The following SDK2 variants were observed in gnomAD, a reference collection of about 807,000 sequenced individuals.
SDK2 encodes sidekick cell adhesion molecule 2.
SDK2 carries 105 observed loss-of-function variants against 253.9 expected under a neutral mutation model. The ratio of observed to expected loss-of-function variants is 0.41; its 90% confidence interval spans 0.35 to 0.49. The LOEUF is 0.49. Among genes scored for constraint, SDK2 ranks in the 20% least tolerant of loss-of-function variants. The pLI is 0.06. For synonymous variants in SDK2, 1,249 were observed against 1,234.9 expected, an observed-to-expected ratio of 1.01 and a Z score of -0.24; for missense variants, 2,608 against 3,003.0, an observed-to-expected ratio of 0.87 and a Z score of 3.07.
chr17:73,578,111 G>C (rs1300923266), intron 1 of SDK2, among the ~76,000 whole-genome samples: 1 of 150,630 alleles, frequency 6.6e-6, no homozygotes, highest in African/African-American at 2.5e-5. Flanking sequence ...CCAGGCTGGA[G>C]TGCAATGGTG....
In SDK2 at chr17:73,467,547, G is replaced by T. The variant is rs2063610939; in HGVS notation, c.331+4565C>A. Reference sequence around the variant, plus strand: ...GTTTCCCTAGGCCCAGAATCCCAGGGAAGTGGGGCTGGGACAGAGGATTCT... The same window carrying T: ...GTTTCCCTAGGCCCAGAATCCCAGGTAAGTGGGGCTGGGACAGAGGATTCT... On this transcript the variant is annotated intron_variant, in intron 3 of 44. Transcript: ENST00000392650. The surrounding 1 kb of genome is among the most constrained non-coding windows in gnomAD (Gnocchi z 4.1). 1.3e-5 allele frequency among the ~76,000 whole-genome samples: 2 copies of T among 152,134 alleles called. No homozygotes were observed. The highest frequency in any genetic ancestry group is 1.5e-5 in the Non-Finnish European group (1 of 68,034).
At chr17:73,402,620 T>C (rs1046541607) in intron 18 of SDK2, among the ~76,000 whole-genome samples, 8 of 152,098 alleles carry the variant, frequency 5.3e-5, no homozygotes, top group Non-Finnish European at 1.0e-4. Flanking sequence ...TATTCCTTTT[T>C]TGAGATGGGG....
rs185200716 is a variant in SDK2 at position 73,564,352 on chromosome 17, A to G, written c.65-56755T>C. ...CTACTGGACACTACTGGCTTAGAGT[A>G]TAAAGTCCACTTGAGTCCATTTCTG... On this transcript the variant is annotated intron_variant, in intron 1 of 44. Transcript: ENST00000392650. 3.1e-3 allele frequency among the ~76,000 whole-genome samples: 469 copies of G among 152,334 alleles called. 2 individuals are homozygous for G. Among genetic ancestry groups the G allele is most frequent in the Middle Eastern group, 0.014 (4 of 294 alleles).
At chr17:73,452,171 C>G (rs2063494862) in intron 4 of SDK2, among the ~76,000 whole-genome samples, 1 of 152,152 alleles carries the variant, frequency 6.6e-6, no homozygotes, top group African/African-American at 2.4e-5. Flanking sequence ...ATCTTGTCTC[C>G]TTTGCAACAA....
chr17:73,374,656 T>C (rs8071526), intron 36 of SDK2, among the ~76,000 whole-genome samples: 8,109 of 135,124 alleles, frequency 0.06, 509 homozygotes, highest in East Asian at 0.16. Context: ...TTAGTAGAGA[T>C]GCGGTTTCGT....
chr17:73,405,579 T>C (rs1391276300), intron 18 of SDK2, among the ~76,000 whole-genome samples: 2 of 147,482 alleles, frequency 1.4e-5, no homozygotes, highest in African/African-American at 5.0e-5. Context: ...TACACATTTA[T>C]GTATGCATGT....
rs1355808758 is a variant in SDK2 at position 73,338,669 on chromosome 17, T to C, written c.6437A>G (p.Gln2146Arg). ...TPQNPPNPPS[Q>R]QSTLYRPPSS... ...GGGGGGACGGTAGAGGGTGCTCTGC[T>C]GACTTGGGGGGTTAGGGGGGTTCTG... The change falls in exon 45 of 45, where the codon CAG becomes CGG. Residue 2146 changes from glutamine (Q) to arginine (R), a missense_variant. Physicochemically the swap from Gln to Arg is conservative, Grantham distance 43 (BLOSUM62 1). Coordinates refer to ENST00000392650, the MANE Select transcript of SDK2 (RefSeq NM_001144952.2). The surrounding 1 kb of genome is among the most constrained non-coding windows in gnomAD (Gnocchi z 5.0). 1 of 1,579,988 alleles carries C rather than the reference T, an allele frequency of 6.3e-7. No individual in the cohort carries two copies. The highest frequency in any genetic ancestry group is 8.6e-7 in the Non-Finnish European group (1 of 1,163,812).
intron 1 of SDK2, among the ~76,000 whole-genome samples, chr17:73,577,361 A>G (rs1051464941): frequency 6.6e-6 from 1 of 152,210 alleles, no homozygotes; most frequent in Non-Finnish European, 1.5e-5. Context: ...CAACAAACAT[A>G]TACTAAGCAT....
chr17:73,384,158 T>C, intron 32 of SDK2, 147 bp from the exon 33 acceptor site: 1 of 946,084 alleles, frequency 1.1e-6, no homozygotes, highest in Non-Finnish European at 1.5e-6. Flanking sequence ...GCATTTTAAA[T>C]TTACAAAGCA....
rs2063588588 is a variant in SDK2 at position 73,465,175 on chromosome 17, T to A, written c.331+6937A>T. Among the ~76,000 whole-genome samples, 1 of 152,210 alleles carries A rather than the reference T, an allele frequency of 6.6e-6. No homozygotes were observed. The highest frequency in any genetic ancestry group is 2.1e-4 in the South Asian group (1 of 4,830). On this transcript the variant is annotated intron_variant, in intron 3 of 44. Coordinates refer to ENST00000392650, the MANE Select transcript of SDK2 (RefSeq NM_001144952.2). The surrounding 1 kb of genome is among the most constrained non-coding windows in gnomAD (Gnocchi z 4.2). ...CAGGCCTATGGGTGGCATTTTAGGA[T>A]TACTCCTAACCCACATGACAGCGGG...
At chr17:73,523,271 C>A (rs931184564) in intron 1 of SDK2, among the ~76,000 whole-genome samples, 2 of 151,880 alleles carry the variant, frequency 1.3e-5, no homozygotes, top group Non-Finnish European at 2.9e-5. Flanking sequence ...AGCCTCTCTT[C>A]CCCGAGAGAG....
intron 2 of SDK2, among the ~76,000 whole-genome samples, chr17:73,478,992 G>A (rs1161667305): frequency 6.6e-6 from 1 of 152,266 alleles, no homozygotes; most frequent in Non-Finnish European, 1.5e-5. Context: ...GCACATTCAT[G>A]CACGCCGTGC....
At chr17:73,529,247 G>C (rs1179946412) in intron 1 of SDK2, among the ~76,000 whole-genome samples, 1 of 152,214 alleles carries the variant, frequency 6.6e-6, no homozygotes, top group African/African-American at 2.4e-5. Flanking sequence ...GTTGGGGACA[G>C]CTGAGGGAGG....
chr17:73,587,555 G>A (rs1246076949), intron 1 of SDK2, among the ~76,000 whole-genome samples: 1 of 152,236 alleles, frequency 6.6e-6, no homozygotes, highest in Non-Finnish European at 1.5e-5. Flanking sequence ...CGTGACTCAT[G>A]TCATCCTGGT....
intron 1 of SDK2, among the ~76,000 whole-genome samples, chr17:73,598,203 T>C (rs2045787179): frequency 6.6e-6 from 1 of 152,190 alleles, no homozygotes; most frequent in African/African-American, 2.4e-5. Context: ...TGGAGCCATC[T>C]AAGCATATAC....
chr17:73,596,961 C>G (rs2045767992), intron 1 of SDK2, among the ~76,000 whole-genome samples: 2 of 152,224 alleles, frequency 1.3e-5, no homozygotes, highest in African/African-American at 4.8e-5. Flanking sequence ...CATTTCCATT[C>G]TGGGGACTCT....
At chr17:73,442,055 G>GTT (rs2063420258) in intron 5 of SDK2, among the ~76,000 whole-genome samples, 1 of 152,274 alleles carries the variant, frequency 6.6e-6, no homozygotes, top group Admixed American at 6.5e-5. Context: ...AAATGAAAGA[G>GTT]TTAAGGATGA....
intron 44 of SDK2, 74 bp downstream of exon 44, chr17:73,348,525 T>C (rs2031289868): frequency 4.5e-6 from 7 of 1,539,422 alleles, no homozygotes; most frequent in Middle Eastern, 1.7e-4. Flanking sequence ...AGAAAGCCCA[T>C]CTACGTTCAC....
intron 30 of SDK2, 108 bp from the exon 31 acceptor site, chr17:73,386,656 G>A: frequency 1.3e-6 from 1 of 753,630 alleles, no homozygotes; most frequent in Non-Finnish European, 2.3e-6. Flanking sequence ...AAAGGGGGCA[G>A]GGTGCCAGCC....
Sources: allele counts gnomAD v4.1 joint callset (sites outside exome capture counted in the v4.1 genomes callset), GRCh38; gene constraint gnomAD v4.1.1; non-coding constraint Gnocchi (gnomAD v3.1); transcripts MANE v1.5; gene names NCBI Gene and HGNC (gene_info 2026-07-23, HGNC 2026-07-21).